TEK: variants seen among roughly 807,000 people sequenced by gnomAD.
TEK encodes TEK receptor tyrosine kinase, also known as angiopoietin-1 receptor.
TEK carries 43 observed loss-of-function variants against 131.8 expected under a neutral mutation model. That is an observed-to-expected ratio of 0.33 (90% confidence interval 0.26 to 0.42). The LOEUF (loss-of-function observed/expected upper bound fraction) is 0.42, where lower values mean the gene tolerates loss of function less well. Ranked by LOEUF, TEK falls within the 10% of genes least tolerant of loss-of-function variation. TEK has a pLI of 1.00. For synonymous variants in TEK, 580 were observed against 491.6 expected (o/e 1.18, Z -2.38); for missense variants, 1,162 against 1,384.4 (o/e 0.84, Z 2.55).
chr9:27,120,843 C>T (rs1160781633), intron 1 of TEK, among the ~76,000 whole-genome samples: 1 of 152,218 alleles, frequency 6.6e-6, no homozygotes, highest in Non-Finnish European at 1.5e-5. Flanking sequence ...AGGGTTTGCA[C>T]TGGTGCCTAA....
At chr9:27,156,845 T>C (rs1403810150) in intron 1 of TEK, among the ~76,000 whole-genome samples, 6 of 152,180 alleles carry the variant, frequency 3.9e-5, no homozygotes, top group Non-Finnish European at 8.8e-5. Flanking sequence ...AGTCTCCTGA[T>C]TGTTTTATGC....
At position 27,109,305 on chromosome 9, in the gene TEK, A is replaced by T. The variant is rs867498667; in HGVS notation, c.-286A>T. ...TGTTTTGATGAATTGCGAGATGGAT[A>T]GGGCTTGAGTGCCCCCAGCCCTGCT... On this transcript the variant is annotated 5_prime_UTR_variant, in exon 1 of 23. Transcript: ENST00000380036. 19 of 555,414 alleles carry T rather than the reference A, an allele frequency of 3.4e-5. No individual in the cohort carries two copies. Among genetic ancestry groups the T allele is most frequent in the Middle Eastern group, 4.6e-4 (1 of 2,190 alleles). The allele number at this position is 555,414 out of a possible 1,614,324, so 34.4% of individuals were successfully genotyped here.
Position 27,190,747 on chromosome 9 carries a change from T to G in TEK, c.1489+57T>G. On this transcript the variant is annotated intron_variant, in intron 10 of 22. Transcript: ENST00000380036. ...GGATGTGGCACCAGGAGAATTATTT[T>G]TCTCCAAATCTAGAAATTCCCTTCT... 1.9e-6 allele frequency: 3 copies of G among 1,606,578 alleles called. No homozygotes were observed. In the Admixed American group the frequency reaches 5.0e-5, roughly 27 times the overall value.
intron 12 of TEK, among the ~76,000 whole-genome samples, chr9:27,202,448 T>A (rs1255932383): frequency 3.9e-5 from 6 of 152,304 alleles, no homozygotes; most frequent in African/African-American, 1.2e-4. Context: ...GAAGAGGAAG[T>A]GAGTTAATAT....
chr9:27,176,959 C>T (rs950004238), intron 6 of TEK, among the ~76,000 whole-genome samples: 1 of 152,182 alleles, frequency 6.6e-6, no homozygotes, highest in African/African-American at 2.4e-5. Flanking sequence ...ATATGCCTGG[C>T]TTATTTCACT....
chr9:27,208,179 A>C (rs1825468170), intron 15 of TEK, among the ~76,000 whole-genome samples: 1 of 152,206 alleles, frequency 6.6e-6, no homozygotes. Flanking sequence ...AACTTTAAAA[A>C]AATATTCCCA....
At chr9:27,190,201 G>A (rs150865831) in intron 9 of TEK, among the ~76,000 whole-genome samples, 6,386 of 152,206 alleles carry the variant, frequency 0.042, 173 homozygotes, top group Non-Finnish European at 0.062. Context: ...AGGGGAAGAG[G>A]AGGCTGGAGA....
At chr9:27,215,831 C>T (rs1008691038) in intron 18 of TEK, among the ~76,000 whole-genome samples, 2 of 151,944 alleles carry the variant, frequency 1.3e-5, no homozygotes, top group East Asian at 1.9e-4. Context: ...ATAGATGCTA[C>T]GGGAACACAA....
chr9:27,211,272 TTAA>T (rs1825618000), intron 16 of TEK, among the ~76,000 whole-genome samples: 1 of 145,896 alleles, frequency 6.9e-6, no homozygotes. Flanking sequence ...TTTATCTTTA[TTAA>T]TAAATACATA....
intron 1 of TEK, among the ~76,000 whole-genome samples, chr9:27,132,853 G>A (rs994961745): frequency 6.6e-6 from 1 of 152,144 alleles, no homozygotes; most frequent in Admixed American, 6.5e-5. Context: ...TCAAGAGGGA[G>A]GTAGAAAGAG....
At chr9:27,217,793 T>TCC (rs57300282) in intron 19 of TEK, 35 bp downstream of exon 19, 4 of 1,568,528 alleles carry the variant, frequency 2.6e-6, no homozygotes, top group Non-Finnish European at 3.5e-6. Context: ...GGATTTTTTT[T>TCC]CCCTCCCAGA....
chr9:27,179,055 C>G (rs548565670), intron 6 of TEK, among the ~76,000 whole-genome samples: 153 of 152,244 alleles, frequency 1.0e-3, no homozygotes, highest in Admixed American at 3.0e-3. Flanking sequence ...AACCCTTTCT[C>G]TCTGGTCCTT....
At chr9:27,116,859 A>ATTTTT (rs66900456) in intron 1 of TEK, among the ~76,000 whole-genome samples, 1 of 120,762 alleles carries the variant, frequency 8.3e-6, no homozygotes, top group Admixed American at 9.0e-5. Context: ...ATGGAAAGAA[A>ATTTTT]TTTTTTTTTT....
chr9:27,148,999 G>A (rs754934619), intron 1 of TEK, among the ~76,000 whole-genome samples: 1 of 152,116 alleles, frequency 6.6e-6, no homozygotes, highest in African/African-American at 2.4e-5. Flanking sequence ...TTTGAAGGCA[G>A]AAACCATATT....
intron 1 of TEK, among the ~76,000 whole-genome samples, chr9:27,130,901 A>G (rs1393889948): frequency 6.6e-6 from 1 of 152,158 alleles, no homozygotes; most frequent in Non-Finnish European, 1.5e-5. Flanking sequence ...ACAAAACCTC[A>G]TTGAAAGTGA....
chr9:27,224,192 G>T (rs1298020621), intron 21 of TEK, among the ~76,000 whole-genome samples: 1 of 152,134 alleles, frequency 6.6e-6, no homozygotes, highest in Non-Finnish European at 1.5e-5. Context: ...ACAAAGAGGA[G>T]CTGGTACCAT....
intron 16 of TEK, among the ~76,000 whole-genome samples, chr9:27,211,463 TA>T (rs1825629422): frequency 1.3e-4 from 2 of 15,784 alleles, no homozygotes; most frequent in African/African-American, 4.4e-4. Flanking sequence ...TTGAGATAGA[TA>T]GATAGATAGA....
chr9:27,182,017 A>C (rs182182438), intron 7 of TEK, among the ~76,000 whole-genome samples: 166 of 152,290 alleles, frequency 1.1e-3, no homozygotes, highest in African/African-American at 3.9e-3. Flanking sequence ...TTCTTTTGCC[A>C]AGCCTGGACT....
chr9:27,217,028 TG>T (rs1269471849), intron 18 of TEK, among the ~76,000 whole-genome samples: 3 of 152,310 alleles, frequency 2.0e-5, no homozygotes, highest in African/African-American at 7.2e-5. Context: ...TTGCCTAGCC[TG>T]GGATCAGTAA....
Sources: allele counts gnomAD v4.1 joint callset (sites outside exome capture counted in the v4.1 genomes callset), GRCh38; gene constraint gnomAD v4.1.1; transcripts MANE v1.5; gene names NCBI Gene and HGNC (gene_info 2026-07-23, HGNC 2026-07-21).